The following TBC1D9 variants were observed in gnomAD, a reference collection of about 807,000 sequenced individuals.
The protein encoded by TBC1D9 is TBC1 domain family member 9.
In TBC1D9, 63 loss-of-function variants were observed where a neutral mutation model predicts 132.0. The observed-to-expected ratio is 0.48, with a 90% confidence interval of 0.39 to 0.59. The LOEUF (loss-of-function observed/expected upper bound fraction) is 0.59. Among genes scored for constraint, TBC1D9 ranks in the 20% least tolerant of loss-of-function variants. The pLI, the probability that TBC1D9 is intolerant of heterozygous loss-of-function variation, is 0.00. For missense variants in TBC1D9, 1,261 were observed against 1,592.7 expected (o/e 0.79, Z 3.54); for synonymous variants, 610 against 609.9 (o/e 1.00, Z 0.00).
intron 7 of TBC1D9, 122 bp from the exon 8 acceptor site, chr4:140,669,926 G>A (rs1737509836): frequency 1.0e-6 from 1 of 998,554 alleles, no homozygotes; most frequent in Admixed American, 2.7e-5. Context: ...TTCTTGCTAT[G>A]TGAAGAAACA....
At chr4:140,639,234 A>C (rs1216145969) in intron 14 of TBC1D9, 80 bp from the exon 15 acceptor site, 22 of 1,481,130 alleles carry the variant, frequency 1.5e-5, no homozygotes, top group Non-Finnish European at 1.8e-5. Flanking sequence ...TTCCCTTTCA[A>C]ATTGTTTTCA....
At chr4:140,687,708 G>A (rs1737810639) in intron 2 of TBC1D9, among the ~76,000 whole-genome samples, 2 of 151,960 alleles carry the variant, frequency 1.3e-5, no homozygotes, top group Non-Finnish European at 1.5e-5. Context: ...CTGAGGAAAG[G>A]CAAAACAAAA....
In TBC1D9 at chr4:140,659,725, T is replaced by C; in HGVS notation, c.1804-20A>G. The C allele has an allele frequency of 6.7e-7, 1 of 1,501,344 alleles. No individual in the cohort carries two copies. The highest frequency in any genetic ancestry group is 9.2e-7 in the Non-Finnish European group (1 of 1,091,682). The allele number at this position is 1,501,344 out of a possible 1,614,324, so 93.0% of individuals were successfully genotyped here. ...CATGGCCTAAAAAAGTGAAAGAGGA[T>C]GTCATCAAATACAGTTGAAAATATA... On this transcript the variant is annotated intron_variant, in intron 10 of 20. Transcript: ENST00000442267.
In TBC1D9 at chr4:140,661,930, G is replaced by A. The variant is rs756748132; in HGVS notation, c.1766C>T (p.Ala589Val). Residue 589 changes from alanine to valine, a missense_variant, in exon 10 of 21, where the codon GCT becomes GTT. Physicochemically the swap from Ala to Val is moderately conservative, Grantham distance 64. Coordinates refer to ENST00000442267, the MANE Select transcript of TBC1D9 (RefSeq NM_015130.3). ...TATGTTGGGATTTCGAAAAGCATAAGCTGTTAAGACTCTCCTTAGTGCAGC... is the reference window on the plus strand; with the variant it reads ...TATGTTGGGATTTCGAAAAGCATAAACTGTTAAGACTCTCCTTAGTGCAGC... ...GIAALRRVLTAYAFRNPNIGY... is the reference protein window; with the variant it reads ...GIAALRRVLTVYAFRNPNIGY... 4.3e-6 allele frequency: 7 copies of A among 1,613,888 alleles called. No homozygotes were observed. Among genetic ancestry groups the A allele is most frequent in the Non-Finnish European group, 5.9e-6 (7 of 1,179,900 alleles).
chr4:140,624,844 G>A (rs1204266116), intron 18 of TBC1D9, among the ~76,000 whole-genome samples: 1 of 152,128 alleles, frequency 6.6e-6, no homozygotes, highest in Non-Finnish European at 1.5e-5. Context: ...CTGAGGTCAG[G>A]GGTTCAAGAC....
Position 140,634,085 on chromosome 4 carries a change from T to C in TBC1D9, c.2609A>G (p.Gln870Arg). 2 of 1,614,038 alleles carry C rather than the reference T, an allele frequency of 1.2e-6. No homozygotes were observed. The highest frequency in any genetic ancestry group is 1.7e-6 in the Non-Finnish European group (2 of 1,179,898). ...GAGAAGAGCAAACATTCCCTTGAAC[T>C]GCTCGAAGTCAATGCGATACTGTTC... is the stretch of plus-strand genomic sequence containing the variant. ...YLEQYRIDFE[Q>R]FKGMFALLFP... The change falls in exon 16 of 21, where the codon CAG becomes CGG. Residue 870 changes from glutamine to arginine, a missense_variant. This residue lies in a region of TBC1D9 where 618 missense variants were observed against 724.4 expected (regional missense o/e 0.85). Coordinates refer to ENST00000442267, the MANE Select transcript of TBC1D9 (RefSeq NM_015130.3).
chr4:140,720,403 G>T (rs1738405827), intron 1 of TBC1D9, among the ~76,000 whole-genome samples: 1 of 152,190 alleles, frequency 6.6e-6, no homozygotes, highest in Non-Finnish European at 1.5e-5. Context: ...CTTCTTATGA[G>T]GAAGAGGAGA....
chr4:140,634,182 G>A lies in TBC1D9; in HGVS notation c.2512C>T (p.His838Tyr), dbSNP rs1275252393. 6.2e-7 allele frequency: 1 copy of A among 1,612,532 alleles called. No individual in the cohort carries two copies. Among genetic ancestry groups the A allele is most frequent in the Non-Finnish European group, 8.5e-7 (1 of 1,179,792 alleles). The change falls in exon 16 of 21, where the codon CAT becomes TAT. Residue 838 changes from histidine (H) to tyrosine (Y), a missense_variant. By Grantham distance (83) the His-to-Tyr change is moderately conservative. Coordinates refer to ENST00000442267, the MANE Select transcript of TBC1D9 (RefSeq NM_015130.3). ...EELYALFKAE[H>Y]LTSCYWGGSS... Reference sequence around the variant, plus strand: ...CCGCCCCAGTAGCAGCTGGTGAGATGTTCTGCCTGAAAAAGAATGGATGAT... The same window carrying A: ...CCGCCCCAGTAGCAGCTGGTGAGATATTCTGCCTGAAAAAGAATGGATGAT...
At chr4:140,671,510 T>C (rs1737535026) in intron 6 of TBC1D9, among the ~76,000 whole-genome samples, 1 of 152,198 alleles carries the variant, frequency 6.6e-6, no homozygotes, top group South Asian at 2.1e-4. Flanking sequence ...AAGCTTAATG[T>C]TGGAATGGTT....
chr4:140,668,874 C>T (rs1383342657), intron 9 of TBC1D9, 43 bp downstream of exon 9: 3 of 1,606,078 alleles, frequency 1.9e-6, no homozygotes, highest in African/African-American at 1.3e-5. Context: ...GGTGTGGAGT[C>T]CCACAGACTT....
intron 1 of TBC1D9, among the ~76,000 whole-genome samples, chr4:140,719,670 T>C (rs1286364507): frequency 6.6e-6 from 1 of 152,166 alleles, no homozygotes; most frequent in Non-Finnish European, 1.5e-5. Context: ...AATCTATCAC[T>C]GATGTCTTTG....
intron 1 of TBC1D9, among the ~76,000 whole-genome samples, chr4:140,740,629 T>C (rs749910707): frequency 6.6e-6 from 1 of 152,200 alleles, no homozygotes; most frequent in Non-Finnish European, 1.5e-5. Context: ...CCCACATGCC[T>C]TCCCCTGCTT....
chr4:140,640,273 G>C (rs937089167), intron 13 of TBC1D9, among the ~76,000 whole-genome samples: 11 of 152,020 alleles, frequency 7.2e-5, no homozygotes, highest in African/African-American at 2.7e-4. Context: ...AGGGGCAACA[G>C]GGGGAAGAAA....
chr4:140,708,022 A>G (rs923307), intron 1 of TBC1D9, among the ~76,000 whole-genome samples: 133,384 of 152,082 alleles, frequency 0.88, 58,725 homozygotes, highest in African/African-American at 0.95. Context: ...TGGGCAATTT[A>G]AGGACAAGCA....
intron 3 of TBC1D9, among the ~76,000 whole-genome samples, chr4:140,684,865 A>G (rs1383953464): frequency 7.9e-6 from 1 of 126,172 alleles, no homozygotes; most frequent in Non-Finnish European, 1.9e-5. Context: ...TATGACAAGG[A>G]CAAAGGAGGC....
At chr4:140,692,234 C>T (rs1358301550) in intron 2 of TBC1D9, among the ~76,000 whole-genome samples, 6 of 152,236 alleles carry the variant, frequency 3.9e-5, no homozygotes, top group African/African-American at 1.4e-4. Flanking sequence ...ACCCAATAAG[C>T]CTCCAAGGAT....
chr4:140,735,128 A>G (rs775683669), intron 1 of TBC1D9, among the ~76,000 whole-genome samples: 2 of 152,220 alleles, frequency 1.3e-5, no homozygotes, highest in African/African-American at 2.4e-5. Flanking sequence ...TTCAAACAGA[A>G]AGAGATATTC....
In TBC1D9 at chr4:140,621,985, T is replaced by A. The variant is rs149307207; in HGVS notation, c.*210A>T. 2.1e-3 allele frequency: 1,229 copies of A among 593,920 alleles called. 29 individuals are homozygous for A. The East Asian group carries it at 0.032, about 16-fold the overall frequency. 36.8% of individuals were successfully genotyped at this position (593,920 alleles called of 1,614,324 possible). A position where few individuals can be genotyped will look rare whatever the true frequency, so the allele number is the denominator to read the frequency against. On this transcript the variant is annotated 3_prime_UTR_variant, in exon 21 of 21. Transcript: ENST00000442267. ...ATAAACTGTATTCTGGTAAATCCCC[T>A]CCCCGCAACAAGAGTGTAATGTACC...
chr4:140,628,465 C>G, intron 16 of TBC1D9, 100 bp from the exon 17 acceptor site: 1 of 1,097,558 alleles, frequency 9.1e-7, no homozygotes, highest in South Asian at 1.3e-5. Flanking sequence ...ACATTCCAAC[C>G]AAGACATTGT....
Sources: gnomAD v4.1 joint callset for allele counts (sites outside exome capture counted in the v4.1 genomes callset) on GRCh38, gnomAD v4.1.1 for gene constraint, gnomAD v4.1.1 regional missense constraint, MANE v1.5 for transcripts, NCBI Gene and HGNC (gene_info 2026-07-23, HGNC 2026-07-21) for gene names.